SHROOM2: variants seen among roughly 807,000 people sequenced by gnomAD.
The protein encoded by SHROOM2 is protein Shroom2.
In SHROOM2, 33 loss-of-function variants were observed where a neutral mutation model predicts 75.9. That is an observed-to-expected ratio of 0.43 (90% CI 0.33 to 0.58). SHROOM2 has a LOEUF of 0.58. SHROOM2 is among the 20% of genes least tolerant of loss of function. The pLI is 0.04. For synonymous variants in SHROOM2, 655 were observed against 663.6 expected, an observed-to-expected ratio of 0.99 and a Z score of 0.20; for missense variants, 1,434 against 1,461.2, an observed-to-expected ratio of 0.98 and a Z score of 0.30.
intron 1 of SHROOM2, among the ~76,000 whole-genome samples, chrX:9,833,647 C>T (rs868745121): frequency 1.8e-4 from 14 of 76,230 alleles, no homozygotes; most frequent in Admixed American, 9.6e-4. Flanking sequence ...TGTGTGTGTG[C>T]ATGCACGTGC....
intron 5 of SHROOM2, among the ~76,000 whole-genome samples, chrX:9,920,416 G>A (rs775253745): frequency 8.9e-6 from 1 of 112,206 alleles, no homozygotes; most frequent in African/African-American, 3.2e-5. Flanking sequence ...TGTAGGTGTA[G>A]GGAACAAGGT....
intron 1 of SHROOM2, among the ~76,000 whole-genome samples, chrX:9,812,069 C>G (rs1283512150): frequency 8.9e-6 from 1 of 111,883 alleles, no homozygotes; most frequent in Non-Finnish European, 1.9e-5. Context: ...GACTTGATGA[C>G]CCATAGTCAA....
intron 1 of SHROOM2, among the ~76,000 whole-genome samples, chrX:9,846,296 T>C (rs1301809340): frequency 1.0e-5 from 1 of 99,484 alleles, no homozygotes; most frequent in Non-Finnish European, 2.2e-5. Context: ...ATTCTTTTAT[T>C]TATTATTATT....
chrX:9,890,430 C>T (rs773077650), intron 2 of SHROOM2, among the ~76,000 whole-genome samples: 8 of 113,436 alleles, frequency 7.1e-5, no homozygotes, highest in Non-Finnish European at 1.1e-4. Flanking sequence ...TCCCACTCTG[C>T]GTTAGGGCAA....
In SHROOM2 at chrX:9,945,020, T is replaced by C. The variant is rs769696079; in HGVS notation, c.4584+107T>C. 20 of 835,994 alleles carry C rather than the reference T, an allele frequency of 2.4e-5. No homozygotes were observed. In the South Asian group the frequency reaches 4.3e-4, roughly 18 times the overall value. 68.9% of individuals were successfully genotyped at this position (835,994 alleles called of 1,213,427 possible). On this transcript the variant is annotated intron_variant, in intron 9 of 9. Coordinates refer to ENST00000380913, the MANE Select transcript of SHROOM2 (RefSeq NM_001649.4). ...CTTGGAGCCTAGCATAGCTTCCACATGGCCTGTCCACCTCCTCCTGCAGAC... is the reference window on the plus strand; with the variant it reads ...CTTGGAGCCTAGCATAGCTTCCACACGGCCTGTCCACCTCCTCCTGCAGAC...
rs1166769024 is a variant in SHROOM2 at position 9,830,584 on chromosome X, C to CTTTTTTTT, written c.166-43041_166-43034dup. ...AGGGTCTCAAGTGAACCCCTGGTTT[C>CTTTTTTTT]TTTTTTTTTTTTTTTTTTTTTTTTT... On this transcript the variant is annotated intron_variant, in intron 1 of 9. Transcript: ENST00000380913. Among the ~76,000 whole-genome samples, 42 of 33,647 alleles carry CTTTTTTTT rather than the reference C, an allele frequency of 1.2e-3. 3 individuals carry two copies. The highest frequency in any genetic ancestry group is 1.5e-3 in the Non-Finnish European group (30 of 20,507). 29.2% of individuals were successfully genotyped at this position (33,647 alleles called of 115,157 possible). A position where few individuals can be genotyped will look rare whatever the true frequency, so the allele number is the denominator to read the frequency against.
chrX:9,830,576 C>T (rs186113605), intron 1 of SHROOM2, among the ~76,000 whole-genome samples: 1 of 93,995 alleles, frequency 1.1e-5, no homozygotes, highest in East Asian at 3.3e-4. Context: ...CAAGTGAACC[C>T]CTGGTTTCTT....
intron 1 of SHROOM2, among the ~76,000 whole-genome samples, chrX:9,856,713 G>A (rs557656866): frequency 7.2e-5 from 8 of 111,801 alleles, no homozygotes; most frequent in South Asian, 3.7e-4. Flanking sequence ...CCTGGCCTCC[G>A]TGACTCTTCA....
At chrX:9,868,066 A>T (rs2084150298) in intron 1 of SHROOM2, among the ~76,000 whole-genome samples, 1 of 110,047 alleles carries the variant, frequency 9.1e-6, no homozygotes, top group East Asian at 2.9e-4. Context: ...TCAGACACAG[A>T]ACTGTGTCAC....
intron 1 of SHROOM2, among the ~76,000 whole-genome samples, chrX:9,796,645 TG>T (rs1410560845): frequency 1.8e-5 from 2 of 109,925 alleles, no homozygotes; most frequent in Admixed American, 9.8e-5. Flanking sequence ...GGTTTTTATT[TG>T]TTTTTTTGTT....
At chrX:9,858,039 G>A (rs1240710438) in intron 1 of SHROOM2, among the ~76,000 whole-genome samples, 1 of 111,837 alleles carries the variant, frequency 8.9e-6, no homozygotes, top group Non-Finnish European at 1.9e-5. Context: ...TTTTCCCCGT[G>A]TTGCCTTCTT....
chrX:9,788,320 A>G (rs1203213721), intron 1 of SHROOM2, among the ~76,000 whole-genome samples: 1 of 111,087 alleles, frequency 9.0e-6, no homozygotes, highest in Non-Finnish European at 1.9e-5. Context: ...GTTACATATT[A>G]GAGCCCTGGA....
chrX:9,795,780 C>A (rs73194163), intron 1 of SHROOM2, among the ~76,000 whole-genome samples: 1 of 109,025 alleles, frequency 9.2e-6, no homozygotes, highest in Non-Finnish European at 1.9e-5. Context: ...TTGTCAGATA[C>A]TTTTTTTCTA....
Position 9,937,343 on chromosome X carries a change from A to G in SHROOM2, c.3797A>G (p.Gln1266Arg). The G allele has an allele frequency of 8.3e-7, 1 of 1,205,475 alleles. No individual in the cohort carries two copies. Among genetic ancestry groups the G allele is most frequent in the Non-Finnish European group, 1.1e-6 (1 of 892,328 alleles). ...TCGCGCTTCTGTCTGTACACGCGGC[A>G]GGGTGCTGAGCCCGAGGCCCCACAT... The part of the protein sequence containing the change: ...FYSRFCLYTR[Q>R]GAEPEAPHRA... The change falls in exon 7 of 10, where the codon CAG becomes CGG. Residue 1266 changes from glutamine (Q) to arginine (R), a missense_variant. This residue lies in a region of SHROOM2 where 1,340 missense variants were observed against 1,338.3 expected (regional missense o/e 1.00). Coordinates refer to ENST00000380913, the MANE Select transcript of SHROOM2 (RefSeq NM_001649.4).
chrX:9,875,053 G>A (rs1343785542), intron 2 of SHROOM2, among the ~76,000 whole-genome samples: 1 of 66,526 alleles, frequency 1.5e-5, no homozygotes, highest in Admixed American at 2.5e-4. Context: ...TGTATTCCAG[G>A]CTGGGTGACA....
chrX:9,861,280 C>T (rs781310233), intron 1 of SHROOM2, among the ~76,000 whole-genome samples: 1 of 111,943 alleles, frequency 8.9e-6, no homozygotes, highest in Admixed American at 9.5e-5. Context: ...GGTCCTCCTG[C>T]CTCAGCCTCC....
chrX:9,815,466 GTGTGTGTGTGTGTGTA>G (rs1484501962), intron 1 of SHROOM2, among the ~76,000 whole-genome samples: 230 of 105,769 alleles, frequency 2.2e-3, no homozygotes, highest in African/African-American at 7.3e-3. Flanking sequence ...GTGTGTGTGT[GTGTGTGTGTGTGTGTA>G]TATAATATCT....
chrX:9,807,221 C>T (rs748858818), intron 1 of SHROOM2, among the ~76,000 whole-genome samples: 82 of 112,230 alleles, frequency 7.3e-4, no homozygotes, highest in Non-Finnish European at 1.1e-3. Flanking sequence ...CCATGCCTAG[C>T]GCATAACAGA....
At chrX:9,818,344 A>G in intron 1 of SHROOM2, 1 of 251,052 alleles carries the variant, frequency 4.0e-6, no homozygotes, top group Non-Finnish European at 8.0e-6. Context: ...TCTCATCTTC[A>G]TCTTCTTCAC....
Sources: gnomAD v4.1 joint callset for allele counts (sites outside exome capture counted in the v4.1 genomes callset) on GRCh38, gnomAD v4.1.1 for gene constraint, gnomAD v4.1.1 regional missense constraint, MANE v1.5 for transcripts, NCBI Gene and HGNC (gene_info 2026-07-23, HGNC 2026-07-21) for gene names.